The following ITGB3BP variants were observed in gnomAD, a reference collection of about 807,000 sequenced individuals.
ITGB3BP encodes the protein integrin subunit beta 3 binding protein, also known as centromere protein R.
In ITGB3BP, 27 loss-of-function variants were observed where a neutral mutation model predicts 29.1. The ratio of observed to expected loss-of-function variants is 0.93; its 90% CI spans 0.68 to 1.28. The LOEUF is 1.28. Among genes scored for constraint, ITGB3BP ranks in the 50% most tolerant of loss-of-function variants. ITGB3BP has a pLI of 0.00. For synonymous variants in ITGB3BP, 61 were observed against 61.4 expected (o/e 0.99, Z 0.03); for missense variants, 192 against 200.2 (o/e 0.96, Z 0.25).
At chr1:63,506,937 A>T (rs1646093642) in intron 2 of ITGB3BP, among the ~76,000 whole-genome samples, 1 of 152,224 alleles carries the variant, frequency 6.6e-6, no homozygotes, top group Non-Finnish European at 1.5e-5. Flanking sequence ...ATGGGGCCAT[A>T]GGCCATGTGA....
Position 63,454,755 on chromosome 1 carries a change from T to TA in ITGB3BP, c.333+134dup, listed in dbSNP as rs968435902. 2.2e-3 allele frequency: 961 copies of TA among 436,132 alleles called. No homozygotes were observed. Among genetic ancestry groups the TA allele is most frequent in the South Asian group, 6.4e-3 (110 of 17,246 alleles). The allele number at this position is 436,132 out of a possible 1,614,324, so 27.0% of individuals were successfully genotyped here. On this transcript the variant is annotated intron_variant, in intron 5 of 8. Transcript: ENST00000271002. This position sits in a 1 kb window ranked among gnomAD's most constrained non-coding sequence, Gnocchi z 4.1. The stretch of plus-strand genomic sequence containing the variant: ...TTATGGTTAAATAGTGTTCTCCTAT[T>TA]AAAAAAAAAATTCCCATGAAAAGTA...
chr1:63,519,076 T>C (rs1646395747), intron 1 of ITGB3BP, among the ~76,000 whole-genome samples: 1 of 152,156 alleles, frequency 6.6e-6, no homozygotes, highest in Non-Finnish European at 1.5e-5. Flanking sequence ...TAATTTTTGC[T>C]TTAAACATTC....
intron 2 of ITGB3BP, among the ~76,000 whole-genome samples, chr1:63,493,088 ACGCG>A (rs66981141): frequency 7.4e-5 from 11 of 148,848 alleles, no homozygotes; most frequent in Middle Eastern, 3.5e-3. Context: ...ACACACACAC[ACGCG>A]CGCGCGCGCA....
At chr1:63,501,303 ACAAT>A (rs1409224271) in intron 2 of ITGB3BP, among the ~76,000 whole-genome samples, 3 of 152,232 alleles carry the variant, frequency 2.0e-5, no homozygotes, top group African/African-American at 7.2e-5. Context: ...CATCAAAAGG[ACAAT>A]CAAAGAAAGA....
chr1:63,508,699 G>T, intron 1 of ITGB3BP, 129 bp from the exon 2 acceptor site: 1 of 497,398 alleles, frequency 2.0e-6, no homozygotes, highest in South Asian at 3.7e-5. Context: ...ATGTATTAAA[G>T]CAGAATACCA....
chr1:63,444,554 CAT>C (rs1429189666), intron 8 of ITGB3BP, among the ~76,000 whole-genome samples: 3 of 144,716 alleles, frequency 2.1e-5, no homozygotes, highest in Admixed American at 7.0e-5. Flanking sequence ...ACATATAGGA[CAT>C]ATATAATCTA....
chr1:63,441,381 G>A (rs1266481921), intron 8 of ITGB3BP, among the ~76,000 whole-genome samples: 1 of 152,052 alleles, frequency 6.6e-6, no homozygotes, highest in Non-Finnish European at 1.5e-5. Flanking sequence ...GGGACTACAG[G>A]TGTGTGCCAC....
chr1:63,463,924 G>C (rs1645061092), intron 4 of ITGB3BP, among the ~76,000 whole-genome samples: 1 of 152,086 alleles, frequency 6.6e-6, no homozygotes. Context: ...AAAGTGAAAA[G>C]AGTACATATG....
chr1:63,473,667 T>G (rs1309787417), intron 4 of ITGB3BP, among the ~76,000 whole-genome samples: 3 of 72,984 alleles, frequency 4.1e-5, no homozygotes, highest in Admixed American at 1.3e-4. Flanking sequence ...GGGAGGGAGG[T>G]GGGGGGATCA....
chr1:63,444,794 C>A (rs139168758), intron 8 of ITGB3BP, among the ~76,000 whole-genome samples: 1 of 151,986 alleles, frequency 6.6e-6, no homozygotes, highest in Non-Finnish European at 1.5e-5. Flanking sequence ...GGCAAGAGCA[C>A]AGGCACTGGC....
chr1:63,483,836 T>C (rs1478964654), intron 3 of ITGB3BP, among the ~76,000 whole-genome samples: 1 of 152,226 alleles, frequency 6.6e-6, no homozygotes, highest in Non-Finnish European at 1.5e-5. Context: ...GCCTATGGTA[T>C]TCAGTAGTCC....
At chr1:63,496,279 A>T (rs1206032037) in intron 2 of ITGB3BP, among the ~76,000 whole-genome samples, 1 of 151,876 alleles carries the variant, frequency 6.6e-6, no homozygotes, top group Non-Finnish European at 1.5e-5. Context: ...CTTTTGGTAG[A>T]GACAGGATTT....
chr1:63,502,899 A>C (rs564976707), intron 2 of ITGB3BP, among the ~76,000 whole-genome samples: 4 of 152,110 alleles, frequency 2.6e-5, no homozygotes, highest in African/African-American at 9.6e-5. Context: ...ACATTTTCTT[A>C]ATCCAGTCTA....
intron 1 of ITGB3BP, among the ~76,000 whole-genome samples, chr1:63,521,101 ATCACACCC>A (rs1216230571): frequency 2.0e-5 from 3 of 152,134 alleles, no homozygotes; most frequent in African/African-American, 7.2e-5. Flanking sequence ...AAAAAGATAG[ATCACACCC>A]TCCCGTAAGT....
chr1:63,477,165 A>G (rs1645354498), intron 4 of ITGB3BP, among the ~76,000 whole-genome samples: 1 of 152,014 alleles, frequency 6.6e-6, no homozygotes, highest in South Asian at 2.1e-4. Flanking sequence ...TTCTTTGAAA[A>G]ACTCTTCTCT....
chr1:63,466,329 C>T (rs1247072653), intron 4 of ITGB3BP, among the ~76,000 whole-genome samples: 1 of 152,194 alleles, frequency 6.6e-6, no homozygotes, highest in Non-Finnish European at 1.5e-5. Flanking sequence ...AGCAGTCACA[C>T]ATGTGGAACA....
intron 1 of ITGB3BP, among the ~76,000 whole-genome samples, chr1:63,522,543 C>T (rs981966225): frequency 6.6e-6 from 1 of 152,192 alleles, no homozygotes; most frequent in South Asian, 2.1e-4. Flanking sequence ...TGAATCTTAT[C>T]TAGCACAATG....
chr1:63,514,842 A>T (rs1646274991), intron 1 of ITGB3BP, among the ~76,000 whole-genome samples: 1 of 150,316 alleles, frequency 6.7e-6, no homozygotes, highest in African/African-American at 2.5e-5. Context: ...GCTACTCGGG[A>T]GGCTGAGACA....
intron 4 of ITGB3BP, among the ~76,000 whole-genome samples, chr1:63,467,060 T>A (rs1050634393): frequency 6.6e-6 from 1 of 151,990 alleles, no homozygotes; most frequent in Non-Finnish European, 1.5e-5. Context: ...TTTTTTTAGT[T>A]TTTGTAGAGA....
Sources: allele counts gnomAD v4.1 joint callset (sites outside exome capture counted in the v4.1 genomes callset), GRCh38; gene constraint gnomAD v4.1.1; non-coding constraint Gnocchi (gnomAD v3.1); transcripts MANE v1.5; gene names NCBI Gene and HGNC (gene_info 2026-07-23, HGNC 2026-07-21).